PDE6C: variants seen among roughly 807,000 people sequenced by gnomAD.
The protein encoded by PDE6C is cone cGMP-specific 3',5'-cyclic phosphodiesterase subunit alpha'.
In PDE6C, 75 loss-of-function variants were observed where a neutral mutation model predicts 113.1. The observed-to-expected ratio is 0.66, with a 90% confidence interval of 0.55 to 0.80. The LOEUF is 0.80. Among genes scored for constraint, PDE6C ranks in the 30% least tolerant of loss-of-function variants. The probability of loss-of-function intolerance (pLI) is 0.00; values close to 1 mark genes in which losing one functional copy is unlikely to be tolerated. For missense variants in PDE6C, 912 were observed against 1,038.6 expected (o/e 0.88, Z 1.67); for synonymous variants, 375 against 363.7 (o/e 1.03, Z -0.35).
Position 93,640,449 on chromosome 10 carries a change from G to T in PDE6C, c.1630-1G>T. On this transcript the variant is annotated splice_acceptor_variant, in intron 12 of 21. Coordinates refer to ENST00000371447, the MANE Select transcript of PDE6C (RefSeq NM_006204.4). LOFTEE classifies it high-confidence loss of function. ...GTCTGAATGGTGTCATCTTCTTTTAGGTTCTTACCAGATGGATGTACACTG... is the reference window on the plus strand; with the variant it reads ...GTCTGAATGGTGTCATCTTCTTTTATGTTCTTACCAGATGGATGTACACTG... 1 of 1,605,840 alleles carries T rather than the reference G, an allele frequency of 6.2e-7. No individual in the cohort carries two copies.
intron 10 of PDE6C, among the ~76,000 whole-genome samples, chr10:93,636,460 C>T (rs891580649): frequency 1.2e-4 from 17 of 143,996 alleles, no homozygotes; most frequent in East Asian, 2.1e-4. Context: ...TTGGTTTTGC[C>T]GAGTGGTTTG....
At chr10:93,652,876 C>T (rs2058615780) in intron 15 of PDE6C, among the ~76,000 whole-genome samples, 1 of 152,104 alleles carries the variant, frequency 6.6e-6, no homozygotes, top group Admixed American at 6.6e-5. Flanking sequence ...AAGTCTCTGT[C>T]CCAAGGAATT....
Position 93,635,587 on chromosome 10 carries a change from G to C in PDE6C, c.1360G>C (p.Glu454Gln). Reference protein sequence around the residue: ...KLENRKDIAQEMLMNQTKATP... With the variant: ...KLENRKDIAQQMLMNQTKATP... ...AGAAAACAGAAAGGACATTGCTCAGGAAATGCTCATGAACCAAACCAAAGC... is the reference window on the plus strand; with the variant it reads ...AGAAAACAGAAAGGACATTGCTCAGCAAATGCTCATGAACCAAACCAAAGC... Residue 454 changes from glutamate (E) to glutamine (Q), a missense_variant, in exon 10 of 22, where the codon GAA becomes CAA. By Grantham distance (29) the Glu-to-Gln change is conservative (BLOSUM62 2). Transcript: ENST00000371447. 1.2e-6 allele frequency: 2 copies of C among 1,613,968 alleles called. No homozygotes were observed. Among genetic ancestry groups the C allele is most frequent in the Non-Finnish European group, 8.5e-7 (1 of 1,179,866 alleles).
intron 1 of PDE6C, among the ~76,000 whole-genome samples, chr10:93,617,094 T>A (rs2058423608): frequency 6.6e-6 from 1 of 152,150 alleles, no homozygotes; most frequent in Non-Finnish European, 1.5e-5. Context: ...TCTCAGGGGT[T>A]AAGGGTGTTT....
chr10:93,641,355 G>A (rs1377279525), intron 14 of PDE6C, among the ~76,000 whole-genome samples: 4 of 152,134 alleles, frequency 2.6e-5, no homozygotes, highest in Non-Finnish European at 4.4e-5. Context: ...GAATCTGGCT[G>A]GGCACAGTGG....
chr10:93,639,861 A>G (rs2058550434), intron 11 of PDE6C, among the ~76,000 whole-genome samples: 1 of 152,240 alleles, frequency 6.6e-6, no homozygotes, highest in African/African-American at 2.4e-5. Context: ...TCTCAGTTTC[A>G]TCACCTGTAA....
chr10:93,620,551 G>A, intron 1 of PDE6C, 81 bp from the exon 2 acceptor site: 1 of 1,404,182 alleles, frequency 7.1e-7, no homozygotes, highest in South Asian at 1.2e-5. Context: ...TTAAATGAGA[G>A]AGAATGATCT....
intron 16 of PDE6C, 40 bp from the exon 17 acceptor site, chr10:93,658,861 C>A: frequency 1.7e-6 from 2 of 1,205,508 alleles, no homozygotes; most frequent in South Asian, 2.4e-5. Flanking sequence ...TCTCTCTTTT[C>A]ATAAGCTAAA....
Position 93,622,074 on chromosome 10 carries a change from T to C in PDE6C, c.864+2T>C, listed in dbSNP as rs2058449449. On this transcript the variant is annotated splice_donor_variant, in intron 4 of 21. Coordinates refer to ENST00000371447, the MANE Select transcript of PDE6C (RefSeq NM_006204.4). LOFTEE classifies it high-confidence loss of function. ...CTGCTGGACATGACCAAGGAGAAGG[T>C]TCTTATTATTCTACACATTTTGTCT... 1 of 1,613,470 alleles carries C rather than the reference T, an allele frequency of 6.2e-7. No individual in the cohort carries two copies.
intron 14 of PDE6C, among the ~76,000 whole-genome samples, chr10:93,643,096 C>T (rs1437518706): frequency 6.6e-6 from 1 of 152,184 alleles, no homozygotes; most frequent in Admixed American, 6.5e-5. Context: ...TTAACCTTCA[C>T]AGCACAGTGA....
chr10:93,629,158 A>C, intron 7 of PDE6C, 100 bp from the exon 8 acceptor site: 2 of 988,666 alleles, frequency 2.0e-6, no homozygotes, highest in Non-Finnish European at 3.3e-6. Flanking sequence ...GCCGTGTAGA[A>C]AATCCTCACT....
At chr10:93,647,824 G>GT (rs1250642282) in intron 15 of PDE6C, among the ~76,000 whole-genome samples, 1 of 152,126 alleles carries the variant, frequency 6.6e-6, no homozygotes, top group African/African-American at 2.4e-5. Context: ...CACAGCATAG[G>GT]TAACACCTGT....
rs1160195820 is a variant in PDE6C, at chr10:93,620,649, C to T, written c.498C>T (p.Asp166=). 4 of 1,614,012 alleles carry T rather than the reference C, an allele frequency of 2.5e-6. No homozygotes were observed. The highest frequency in any genetic ancestry group is 3.4e-6 in the Non-Finnish European group (4 of 1,180,008). Residue 166 remains aspartate (D), a synonymous_variant, in exon 2 of 22, where the codon GAC becomes GAT. Transcript: ENST00000371447. ...PDVKKNSHFS[D]FMDKQTGYVT... Reference sequence around the variant, plus strand: ...TCTTTCAGAACAGCCATTTTTCTGACTTCATGGACAAGCAAACTGGGTATG... The same window carrying T: ...TCTTTCAGAACAGCCATTTTTCTGATTTCATGGACAAGCAAACTGGGTATG...
chr10:93,664,290 C>A (rs1488039570), intron 21 of PDE6C, among the ~76,000 whole-genome samples: 2 of 152,182 alleles, frequency 1.3e-5, no homozygotes, highest in African/African-American at 4.8e-5. Flanking sequence ...AATGCTTACG[C>A]TAACCACAGA....
intron 1 of PDE6C, among the ~76,000 whole-genome samples, chr10:93,620,323 C>T (rs1470021166): frequency 6.6e-6 from 1 of 152,086 alleles, no homozygotes; most frequent in Non-Finnish European, 1.5e-5. Flanking sequence ...TGTGCCTTCC[C>T]CTCTCTTCCT....
In PDE6C at chr10:93,634,884, G is replaced by C. The variant is rs1373239503; in HGVS notation, c.1246G>C (p.Glu416Gln). The C allele has an allele frequency of 6.2e-7, 1 of 1,613,942 alleles. No homozygotes were observed. The highest frequency in any genetic ancestry group is 8.5e-7 in the Non-Finnish European group (1 of 1,179,986). Residue 416 changes from glutamate (E) to glutamine (Q), a missense_variant, in exon 9 of 22, where the codon GAG becomes CAG. Glu to Gln is a conservative substitution (Grantham distance 29). Coordinates refer to ENST00000371447, the MANE Select transcript of PDE6C (RefSeq NM_006204.4). ...YNRKDGKPFD[E>Q]HDEYITETLT... ...CAGGAAGGATGGAAAACCTTTCGATGAGCATGATGAATACATTACCGAGGC... is the reference window on the plus strand; with the variant it reads ...CAGGAAGGATGGAAAACCTTTCGATCAGCATGATGAATACATTACCGAGGC...
At chr10:93,638,608 C>A (rs575815079) in intron 11 of PDE6C, among the ~76,000 whole-genome samples, 69 of 152,296 alleles carry the variant, frequency 4.5e-4, no homozygotes, top group Non-Finnish European at 9.0e-4. Context: ...TCCTAAAAAA[C>A]CAGCCTATTT....
Position 93,634,893 on chromosome 10 carries a change from G to C in PDE6C, c.1255G>C (p.Glu419Gln). 1 of 1,613,988 alleles carries C rather than the reference G, an allele frequency of 6.2e-7. No homozygotes were observed. Among genetic ancestry groups the C allele is most frequent in the South Asian group, 1.1e-5 (1 of 91,070 alleles). ...TGGAAAACCTTTCGATGAGCATGAT[G>C]AATACATTACCGAGGCAAGTGCAAT... is the stretch of plus-strand genomic sequence containing the variant. The part of the protein sequence containing the change: ...KDGKPFDEHD[E>Q]YITETLTQFL... Residue 419 changes from glutamate (E) to glutamine (Q), a missense_variant, in exon 9 of 22, where the codon GAA (glutamate) becomes CAA (glutamine). Glu to Gln is a conservative substitution (Grantham distance 29, BLOSUM62 2). Transcript: ENST00000371447.
intron 15 of PDE6C, among the ~76,000 whole-genome samples, chr10:93,655,291 T>A (rs531141165): frequency 2.0e-5 from 3 of 152,336 alleles, no homozygotes; most frequent in African/African-American, 7.2e-5. Context: ...AATATGAGTG[T>A]AATTTGCAAT....
Sources: gnomAD v4.1 joint callset for allele counts (sites outside exome capture counted in the v4.1 genomes callset) on GRCh38, gnomAD v4.1.1 for gene constraint, MANE v1.5 for transcripts, NCBI Gene and HGNC (gene_info 2026-07-23, HGNC 2026-07-21) for gene names.